Variants in PLPPR1 observed in about 807,000 individuals in gnomAD.
PLPPR1 encodes the protein phospholipid phosphatase-related protein type 1.
PLPPR1 carries 10 observed loss-of-function variants against 33.1 expected under a neutral mutation model. That is an observed-to-expected ratio of 0.30 (90% CI 0.19 to 0.51). The LOEUF (loss-of-function observed/expected upper bound fraction) is 0.51. Among genes scored for constraint, PLPPR1 ranks in the 20% least tolerant of loss-of-function variants. PLPPR1 has a pLI of 0.97. For synonymous variants in PLPPR1, 151 were observed against 151.0 expected, an observed-to-expected ratio of 1.00 and a Z score of 0.00; for missense variants, 304 against 408.1, an observed-to-expected ratio of 0.74 and a Z score of 2.20.
intron 1 of PLPPR1, among the ~76,000 whole-genome samples, chr9:101,063,554 C>T (rs1348650519): frequency 6.6e-6 from 1 of 152,082 alleles, no homozygotes; most frequent in African/African-American, 2.4e-5. Context: ...ACAGAATAGA[C>T]ATTCTCTGGT....
intron 2 of PLPPR1, among the ~76,000 whole-genome samples, chr9:101,265,755 G>A (rs1002582354): frequency 1.3e-5 from 2 of 152,074 alleles, no homozygotes; most frequent in Admixed American, 6.5e-5. Context: ...CCAGCACTTT[G>A]GGAGGCTGAG....
At chr9:101,046,964 A>G (rs1421810056) in intron 1 of PLPPR1, among the ~76,000 whole-genome samples, 1 of 152,056 alleles carries the variant, frequency 6.6e-6, no homozygotes, top group African/African-American at 2.4e-5. Context: ...TGATCTCACT[A>G]GATTGGGGGT....
At chr9:101,158,118 TGTTA>T (rs1831720777) in intron 1 of PLPPR1, among the ~76,000 whole-genome samples, 1 of 152,022 alleles carries the variant, frequency 6.6e-6, no homozygotes, top group Non-Finnish European at 1.5e-5. Context: ...GGCAGAAAAG[TGTTA>T]GTTGGGTTTG....
intron 2 of PLPPR1, among the ~76,000 whole-genome samples, chr9:101,266,146 G>C (rs1228724195): frequency 2.0e-5 from 3 of 152,036 alleles, no homozygotes; most frequent in Non-Finnish European, 2.9e-5. Flanking sequence ...GACAGGGAAG[G>C]CCGGGCGCGG....
chr9:101,133,065 T>A (rs1447850921), intron 1 of PLPPR1, among the ~76,000 whole-genome samples: 31 of 152,188 alleles, frequency 2.0e-4, no homozygotes, highest in Admixed American at 2.0e-3. Context: ...AAGTTCCAAT[T>A]AGGAAACTTA....
At chr9:101,195,432 G>A (rs1401054416) in intron 2 of PLPPR1, among the ~76,000 whole-genome samples, 1 of 152,062 alleles carries the variant, frequency 6.6e-6, no homozygotes, top group African/African-American at 2.4e-5. Flanking sequence ...TTTCATAAAG[G>A]CATTTGCATG....
intron 2 of PLPPR1, among the ~76,000 whole-genome samples, chr9:101,204,866 T>C (rs1463953050): frequency 6.6e-6 from 1 of 152,140 alleles, no homozygotes; most frequent in African/African-American, 2.4e-5. Flanking sequence ...TCAATTTTAC[T>C]AGGGTCCCTG....
At chr9:101,253,518 T>C (rs1039640077) in intron 2 of PLPPR1, among the ~76,000 whole-genome samples, 12 of 152,026 alleles carry the variant, frequency 7.9e-5, no homozygotes, top group Non-Finnish European at 1.5e-4. Context: ...TCCAGCCTGG[T>C]TGACTGAGTG....
chr9:101,157,991 G>T (rs938021679), intron 1 of PLPPR1, among the ~76,000 whole-genome samples: 2 of 152,002 alleles, frequency 1.3e-5, no homozygotes, highest in African/African-American at 4.8e-5. Context: ...GTGACAGATG[G>T]AAACTCTGTC....
At chr9:101,284,866 T>A (rs1205744189) in intron 3 of PLPPR1, among the ~76,000 whole-genome samples, 1 of 152,186 alleles carries the variant, frequency 6.6e-6, no homozygotes, top group Non-Finnish European at 1.5e-5. Flanking sequence ...TGATCATCTA[T>A]GAGATCACAT....
In PLPPR1 at chr9:101,229,301, G is replaced by A. The variant is rs940091269; in HGVS notation, c.64-40579G>A. On this transcript the variant is annotated intron_variant, in intron 2 of 7. Coordinates refer to ENST00000374874, the MANE Select transcript of PLPPR1 (RefSeq NM_207299.2). ...CTTATTAAATTTGCAACATTCCCAA[G>A]ATCTCAGAAACAGAAACAAAAGCTA... 7.2e-5 allele frequency among the ~76,000 whole-genome samples: 11 copies of A among 152,198 alleles called. No homozygotes were observed. In the East Asian group the frequency reaches 1.9e-3, roughly 27 times the overall value.
At chr9:101,047,299 A>G (rs902333199) in intron 1 of PLPPR1, among the ~76,000 whole-genome samples, 2 of 152,132 alleles carry the variant, frequency 1.3e-5, no homozygotes, top group Non-Finnish European at 2.9e-5. Context: ...ACAGTTGGGA[A>G]CTCTCAAGTT....
intron 1 of PLPPR1, among the ~76,000 whole-genome samples, chr9:101,102,001 T>A (rs1019260345): frequency 1.3e-5 from 2 of 151,974 alleles, no homozygotes; most frequent in Non-Finnish European, 2.9e-5. Context: ...AGTTACTACC[T>A]TTTTCACTTA....
At chr9:101,097,753 A>T (rs1830839228) in intron 1 of PLPPR1, among the ~76,000 whole-genome samples, 1 of 152,176 alleles carries the variant, frequency 6.6e-6, no homozygotes, top group Admixed American at 6.6e-5. Flanking sequence ...GGATGTGTGG[A>T]TGGAAGAGAT....
In PLPPR1 at chr9:101,158,731, T is replaced by G. The variant is rs963978455; in HGVS notation, c.-45-26719T>G. On this transcript the variant is annotated intron_variant, in intron 1 of 7. Transcript: ENST00000374874. ...GGGTTGCTTCCTGGAGTTTTACTTC[T>G]CTGGCACTTCTAGCCTGCATTGCAG... Among the ~76,000 whole-genome samples the G allele has an allele frequency of 2.0e-5, 3 of 152,230 alleles. No homozygotes were observed. In the East Asian group the frequency reaches 5.8e-4, roughly 29 times the overall value.
intron 1 of PLPPR1, among the ~76,000 whole-genome samples, chr9:101,056,405 A>G (rs926272108): frequency 1.3e-5 from 2 of 152,136 alleles, no homozygotes; most frequent in Non-Finnish European, 2.9e-5. Context: ...ACAAATCCTG[A>G]GAGAATTTGT....
chr9:101,292,410 G>A (rs1828528905), intron 4 of PLPPR1, among the ~76,000 whole-genome samples: 1 of 152,116 alleles, frequency 6.6e-6, no homozygotes, highest in South Asian at 2.1e-4. Context: ...AGCAAGGCAG[G>A]CCAACATTCA....
At chr9:101,251,958 C>A (rs1425424994) in intron 2 of PLPPR1, among the ~76,000 whole-genome samples, 1 of 152,012 alleles carries the variant, frequency 6.6e-6, no homozygotes, top group African/African-American at 2.4e-5. Context: ...TAAATATACA[C>A]CAAGTATTAG....
At chr9:101,029,285 G>A (rs1243331474) in intron 1 of PLPPR1, among the ~76,000 whole-genome samples, 183 bp downstream of exon 1, 1 of 152,198 alleles carries the variant, frequency 6.6e-6, no homozygotes, top group Non-Finnish European at 1.5e-5. Context: ...CCCAGGGAGG[G>A]TCGCCTCCTG....
Sources: gnomAD v4.1 joint callset for allele counts (sites outside exome capture counted in the v4.1 genomes callset) on GRCh38, gnomAD v4.1.1 for gene constraint, MANE v1.5 for transcripts, NCBI Gene and HGNC (gene_info 2026-07-23, HGNC 2026-07-21) for gene names.